The following ADCK1 variants were observed in gnomAD, a reference collection of about 807,000 sequenced individuals.
ADCK1 encodes the protein aarF domain containing kinase 1, also known as aarF domain-containing protein kinase 1.
ADCK1 carries 41 observed loss-of-function variants against 52.3 expected under a neutral mutation model. The observed-to-expected ratio is 0.78, with a 90% CI of 0.61 to 1.02. The LOEUF is 1.02. Ranked by LOEUF, ADCK1 falls within the 50% of genes least tolerant of loss-of-function variation. The pLI is 0.00. For missense variants in ADCK1, 658 were observed against 679.5 expected (o/e 0.97, Z 0.35); for synonymous variants, 250 against 274.6 (o/e 0.91, Z 0.89).
intron 7 of ADCK1, among the ~76,000 whole-genome samples, chr14:77,909,928 C>G (rs780790727): frequency 1.3e-5 from 2 of 152,170 alleles, no homozygotes; most frequent in African/African-American, 2.4e-5. Flanking sequence ...GGTCACACAG[C>G]TTAGCAGAGG....
At chr14:77,874,368 G>A (rs886616435) in intron 4 of ADCK1, among the ~76,000 whole-genome samples, 1 of 152,218 alleles carries the variant, frequency 6.6e-6, no homozygotes, top group African/African-American at 2.4e-5. Flanking sequence ...GTTGCAGGAG[G>A]GGTGGATGGG....
rs550920197 is a variant in ADCK1 at position 77,884,281 on chromosome 14, C to G, written c.424-2810C>G. 9.2e-4 allele frequency among the ~76,000 whole-genome samples: 140 copies of G among 152,316 alleles called. 1 individual carries two copies. The highest frequency in any genetic ancestry group is 3.2e-3 in the African/African-American group (132 of 41,564). On this transcript the variant is annotated intron_variant, in intron 4 of 10. Coordinates refer to ENST00000238561, the MANE Select transcript of ADCK1 (RefSeq NM_020421.4). Reference sequence around the variant, plus strand: ...GAGGGTGTGAGTTCACAGCTCTGCTCCAGAAAACCCTCTGCTTGGTGCTCC... The same window carrying G: ...GAGGGTGTGAGTTCACAGCTCTGCTGCAGAAAACCCTCTGCTTGGTGCTCC...
intron 5 of ADCK1, among the ~76,000 whole-genome samples, chr14:77,894,383 T>A (rs1361197897): frequency 6.6e-6 from 1 of 152,222 alleles, no homozygotes; most frequent in African/African-American, 2.4e-5. Context: ...TTTTATAATG[T>A]ACAGTAACTT....
chr14:77,824,278 A>G (rs1019243618), intron 3 of ADCK1, among the ~76,000 whole-genome samples: 2 of 152,160 alleles, frequency 1.3e-5, no homozygotes, highest in African/African-American at 4.8e-5. Flanking sequence ...ATACTTTAGT[A>G]TATACCTGCA....
chr14:77,900,883 C>T (rs1372203411), intron 6 of ADCK1, among the ~76,000 whole-genome samples: 1 of 152,134 alleles, frequency 6.6e-6, no homozygotes, highest in Non-Finnish European at 1.5e-5. Flanking sequence ...TAATAAGAGA[C>T]ACTTAATGTG....
chr14:77,851,212 G>A (rs990340745), intron 3 of ADCK1, among the ~76,000 whole-genome samples: 2 of 151,380 alleles, frequency 1.3e-5, no homozygotes, highest in Non-Finnish European at 2.9e-5. Flanking sequence ...CTGCCTCTTG[G>A]GTTCAAGCAA....
At chr14:77,815,668 A>G (rs1171726671) in intron 1 of ADCK1, among the ~76,000 whole-genome samples, 2 of 151,084 alleles carry the variant, frequency 1.3e-5, no homozygotes, top group African/African-American at 2.4e-5. Flanking sequence ...ACAGGTGCAC[A>G]CCACCATGCC....
intron 3 of ADCK1, among the ~76,000 whole-genome samples, chr14:77,823,820 C>T (rs2081633793): frequency 6.6e-6 from 1 of 152,130 alleles, no homozygotes; most frequent in Non-Finnish European, 1.5e-5. Context: ...AATCCACCTG[C>T]CTTGGCCTCC....
At chr14:77,859,965 G>A (rs1414894635) in intron 4 of ADCK1, among the ~76,000 whole-genome samples, 1 of 152,248 alleles carries the variant, frequency 6.6e-6, no homozygotes, top group Non-Finnish European at 1.5e-5. Context: ...TGCTTGTGCC[G>A]TGGTCTACCA....
intron 9 of ADCK1, among the ~76,000 whole-genome samples, chr14:77,928,637 T>C (rs1263267481): frequency 6.6e-6 from 1 of 152,072 alleles, no homozygotes; most frequent in African/African-American, 2.4e-5. Flanking sequence ...AATTTTTGTA[T>C]ATTTAGTAGA....
Position 77,923,291 on chromosome 14 carries a change from A to G in ADCK1, c.859-1166A>G, listed in dbSNP as rs1039209904. 1 of 152,358 alleles carries G rather than the reference A, an allele frequency of 6.6e-6. No individual in the cohort carries two copies. Among genetic ancestry groups the G allele is most frequent in the Admixed American group, 6.5e-5 (1 of 15,288 alleles). The allele number at this position is 152,358 out of a possible 1,614,324, so 9.4% of individuals were successfully genotyped here. ...GGAAGAGAGAGGGTAAGCCAGGTGA[A>G]GGGGAGATGGCAAGAATGCTCCTGG... On this transcript the variant is annotated intron_variant, in intron 7 of 10. Coordinates refer to ENST00000238561, the MANE Select transcript of ADCK1 (RefSeq NM_020421.4). This position sits in a 1 kb window ranked among gnomAD's most constrained non-coding sequence, Gnocchi z 4.3.
intron 3 of ADCK1, among the ~76,000 whole-genome samples, chr14:77,836,426 C>T (rs1458890023): frequency 6.6e-6 from 1 of 152,182 alleles, no homozygotes; most frequent in Non-Finnish European, 1.5e-5. Flanking sequence ...GAGGTAAATA[C>T]CATTGTTATC....
At chr14:77,856,265 C>G in intron 3 of ADCK1, among the ~76,000 whole-genome samples, 1 of 152,116 alleles carries the variant, frequency 6.6e-6, no homozygotes, top group Non-Finnish European at 1.5e-5. Context: ...AAAAAATACT[C>G]TTATAATTTC....
chr14:77,854,352 G>T (rs11848358), intron 3 of ADCK1, among the ~76,000 whole-genome samples: 20,738 of 152,142 alleles, frequency 0.14, 1,498 homozygotes, highest in Middle Eastern at 0.19. Context: ...ACATTTGTGT[G>T]TATCAATGTG....
chr14:77,904,877 A>C (rs1181627437), intron 6 of ADCK1, among the ~76,000 whole-genome samples: 1 of 152,014 alleles, frequency 6.6e-6, no homozygotes, highest in Non-Finnish European at 1.5e-5. Context: ...TGACTCTTTC[A>C]AATTTCTCTT....
rs140845867 is a variant in ADCK1, at chr14:77,839,503, A to T, written c.219+16985A>T. ...CTGTTCTAGTTTAGGATGGGGCTGGATAACATGTGGCACCTGTGTGACCCC... is the reference window on the plus strand; with the variant it reads ...CTGTTCTAGTTTAGGATGGGGCTGGTTAACATGTGGCACCTGTGTGACCCC... On this transcript the variant is annotated intron_variant, in intron 3 of 10. Coordinates refer to ENST00000238561, the MANE Select transcript of ADCK1 (RefSeq NM_020421.4). 6.8e-4 allele frequency among the ~76,000 whole-genome samples: 103 copies of T among 152,234 alleles called. 3 individuals carry two copies. In the South Asian group the frequency reaches 9.3e-3, roughly 14 times the overall value.
Position 77,822,485 on chromosome 14 carries a change from T to C in ADCK1, c.186T>C (p.Tyr62=), listed in dbSNP as rs1336828154. The part of the protein sequence containing the change: ...DYLTSLKSVP[Y]GSEEYLQLRS... ...TCACTTCCCTGAAGAGTGTCCCTTA[T>C]GGCTCAGAGGAGTACTTGCAGCTGA... The change falls in exon 3 of 11, where the codon TAT becomes TAC. Residue 62 remains tyrosine, a synonymous_variant. Coordinates refer to ENST00000238561, the MANE Select transcript of ADCK1 (RefSeq NM_020421.4). The C allele has an allele frequency of 1.4e-5, 22 of 1,614,174 alleles. No individual in the cohort carries two copies. The highest frequency in any genetic ancestry group is 1.6e-5 in the Non-Finnish European group (19 of 1,180,000).
chr14:77,849,446 TC>T (rs141583633), intron 3 of ADCK1, among the ~76,000 whole-genome samples: 5,473 of 152,200 alleles, frequency 0.036, 144 homozygotes, highest in South Asian at 0.065. Context: ...TATTTAGTTT[TC>T]TTTCTTTTTT....
chr14:77,824,801 T>G (rs1366698735), intron 3 of ADCK1, among the ~76,000 whole-genome samples: 1 of 152,194 alleles, frequency 6.6e-6, no homozygotes, highest in African/African-American at 2.4e-5. Flanking sequence ...GTAGATATAT[T>G]AAGGTTGACA....
Sources: gnomAD v4.1 joint callset for allele counts (sites outside exome capture counted in the v4.1 genomes callset) on GRCh38, gnomAD v4.1.1 for gene constraint, Gnocchi (gnomAD v3.1) non-coding constraint, MANE v1.5 for transcripts, NCBI Gene and HGNC (gene_info 2026-07-23, HGNC 2026-07-21) for gene names.